TEAD1: variants seen among roughly 807,000 people sequenced by gnomAD.
TEAD1 encodes TEA domain transcription factor 1, also known as transcriptional enhancer factor TEF-1.
TEAD1 carries 9 observed loss-of-function variants against 54.9 expected under a neutral mutation model. The observed-to-expected ratio is 0.16, with a 90% CI of 0.10 to 0.29. TEAD1 has a LOEUF of 0.29. Ranked by LOEUF, TEAD1 falls within the 10% of genes least tolerant of loss-of-function variation. The probability of loss-of-function intolerance (pLI) is 1.00; values close to 1 mark genes in which losing one functional copy is unlikely to be tolerated. For synonymous variants in TEAD1, 200 were observed against 187.8 expected, an observed-to-expected ratio of 1.07 and a Z score of -0.53; for missense variants, 387 against 535.9, an observed-to-expected ratio of 0.72 and a Z score of 2.74.
At chr11:12,930,871 G>A (rs1293448118) in intron 12 of TEAD1, among the ~76,000 whole-genome samples, 1 of 152,188 alleles carries the variant, frequency 6.6e-6, no homozygotes, top group Non-Finnish European at 1.5e-5. Flanking sequence ...CATGCATTAA[G>A]GCAGGAAAAT....
intron 5 of TEAD1, among the ~76,000 whole-genome samples, chr11:12,873,218 C>G (rs1022838803): frequency 2.0e-5 from 3 of 152,156 alleles, no homozygotes; most frequent in Non-Finnish European, 4.4e-5. Flanking sequence ...GAGCCTGGAG[C>G]CAGTTTAGGT....
Position 12,737,163 on chromosome 11 carries a change from AG to A in TEAD1, c.-54-27011del, listed in dbSNP as rs1327308449. 2.6e-5 allele frequency among the ~76,000 whole-genome samples: 4 copies of A among 152,046 alleles called. No individual in the cohort carries two copies. In the East Asian group the frequency reaches 7.7e-4, roughly 29 times the overall value. ...CAGATGAGGAGACGGAGGCCTAGGT[AG>A]GGGGAAAAAAGGAATTGCTCAGTTA... On this transcript the variant is annotated intron_variant, in intron 2 of 12. Coordinates refer to ENST00000527636, the MANE Select transcript of TEAD1 (RefSeq NM_021961.6).
chr11:12,930,209 A>T lies in TEAD1; in HGVS notation c.1050A>T (p.Val350=), dbSNP rs565585388. 6.2e-7 allele frequency: 1 copy of T among 1,614,242 alleles called. No homozygotes were observed. The highest frequency in any genetic ancestry group is 1.7e-5 in the Admixed American group (1 of 60,030). The change falls in exon 12 of 13, where the codon GTA becomes GTT. Residue 350 remains valine (V), a synonymous_variant. Coordinates refer to ENST00000527636, the MANE Select transcript of TEAD1 (RefSeq NM_021961.6). ...CAAGGTTTGAGAATGGCCGATTTGT[A>T]TACCGAATAAACCGCTCCCCAATGT... is the stretch of plus-strand genomic sequence containing the variant.
intron 2 of TEAD1, among the ~76,000 whole-genome samples, chr11:12,734,424 TA>T (rs1944485578): frequency 6.6e-6 from 1 of 152,100 alleles, no homozygotes; most frequent in Non-Finnish European, 1.5e-5. Context: ...GAAAAAAAAT[TA>T]AAAATAAATT....
At chr11:12,869,633 A>G (rs1947697519) in intron 5 of TEAD1, among the ~76,000 whole-genome samples, 1 of 151,978 alleles carries the variant, frequency 6.6e-6, no homozygotes, top group African/African-American at 2.4e-5. Context: ...TATATTAAAC[A>G]CTCATGTTTA....
intron 3 of TEAD1, among the ~76,000 whole-genome samples, chr11:12,824,858 C>CTGT (rs548886004): frequency 7.6e-4 from 116 of 152,344 alleles, no homozygotes; most frequent in Middle Eastern, 3.4e-3. Flanking sequence ...CTCTCCCGGA[C>CTGT]TGTTGCTGCC....
intron 3 of TEAD1, among the ~76,000 whole-genome samples, chr11:12,803,775 G>C (rs137933149): frequency 1.9e-3 from 282 of 152,306 alleles, no homozygotes; most frequent in Non-Finnish European, 3.1e-3. Context: ...CAGCAAACCT[G>C]CTAACGAGGC....
At chr11:12,699,412 A>G (rs1943649958) in intron 2 of TEAD1, among the ~76,000 whole-genome samples, 1 of 152,060 alleles carries the variant, frequency 6.6e-6, no homozygotes, top group South Asian at 2.1e-4. Context: ...GTTGTATTAC[A>G]TTTGTAGAAT....
intron 2 of TEAD1, among the ~76,000 whole-genome samples, chr11:12,717,822 T>C (rs1011363037): frequency 2.6e-5 from 4 of 152,226 alleles, no homozygotes; most frequent in Non-Finnish European, 5.9e-5. Context: ...TCAGACTGCC[T>C]GGCTCCTGGC....
intron 12 of TEAD1, among the ~76,000 whole-genome samples, chr11:12,931,436 A>T (rs1949008877): frequency 2.0e-5 from 3 of 152,234 alleles, no homozygotes; most frequent in Non-Finnish European, 4.4e-5. Context: ...TACTGTGGCC[A>T]AATACTCCTC....
chr11:12,837,302 C>CACTG (rs1946913013), intron 3 of TEAD1, among the ~76,000 whole-genome samples: 1 of 98 alleles, frequency 0.01, no homozygotes, highest in East Asian at 0.25. Flanking sequence ...TTTCTGCAAA[C>CACTG]AAGAAAAGGG....
At chr11:12,872,231 G>A (rs369444553) in intron 5 of TEAD1, among the ~76,000 whole-genome samples, 13 of 152,166 alleles carry the variant, frequency 8.5e-5, no homozygotes, top group Non-Finnish European at 1.8e-4. Flanking sequence ...GAAGGTAGAC[G>A]TACTTCACTT....
chr11:12,731,801 C>A (rs562307261), intron 2 of TEAD1, among the ~76,000 whole-genome samples: 14 of 152,314 alleles, frequency 9.2e-5, no homozygotes, highest in Admixed American at 7.8e-4. Flanking sequence ...GGCCCTCTTA[C>A]TCATTCTCTA....
At chr11:12,843,906 T>C (rs1171231339) in intron 3 of TEAD1, among the ~76,000 whole-genome samples, 2 of 152,220 alleles carry the variant, frequency 1.3e-5, no homozygotes, top group Non-Finnish European at 2.9e-5. Context: ...AAGCCTAATA[T>C]TAAAGGAATA....
intron 2 of TEAD1, among the ~76,000 whole-genome samples, chr11:12,687,202 T>G (rs1943352069): frequency 6.6e-6 from 1 of 152,248 alleles, no homozygotes; most frequent in African/African-American, 2.4e-5. Context: ...TTTTTTGTGC[T>G]GTGCTTTTGA....
rs184637157 is a variant in TEAD1 at position 12,849,608 on chromosome 11, T to C, written c.203-12642T>C. ...GCATAACTTACCTTTGTGTAGCTATTGTTGTAGTAGCTTCAGAAGTTGATA... is the reference window on the plus strand; with the variant it reads ...GCATAACTTACCTTTGTGTAGCTATCGTTGTAGTAGCTTCAGAAGTTGATA... On this transcript the variant is annotated intron_variant, in intron 3 of 12. Transcript: ENST00000527636. Among the ~76,000 whole-genome samples, 97 of 152,338 alleles carry C rather than the reference T, an allele frequency of 6.4e-4. 1 individual carries two copies. The highest frequency in any genetic ancestry group is 2.3e-3 in the African/African-American group (94 of 41,582).
Position 12,937,140 on chromosome 11 carries a change from T to C in TEAD1, c.1199T>C (p.Leu400Pro), listed in dbSNP as rs746321340. 6.2e-7 allele frequency: 1 copy of C among 1,614,010 alleles called. No homozygotes were observed. Among genetic ancestry groups the C allele is most frequent in the Non-Finnish European group, 8.5e-7 (1 of 1,179,930 alleles). ...ACAAACAGGGATACACAAGAAACTC[T>C]ACTCTGCATGGCCTGTGTGTTTGAA... The change falls in exon 13 of 13, where the codon CTA becomes CCA. Residue 400 changes from leucine to proline, a missense_variant. This residue lies in a region of TEAD1 where 123 missense variants were observed against 199.0 expected (regional missense o/e 0.62). Transcript: ENST00000527636.
chr11:12,842,653 A>G (rs1435129422), intron 3 of TEAD1, among the ~76,000 whole-genome samples: 1 of 152,150 alleles, frequency 6.6e-6, no homozygotes, highest in Admixed American at 6.5e-5. Context: ...TCTGGCAAGC[A>G]TGTCTGAAGG....
chr11:12,842,276 C>A (rs1041789395), intron 3 of TEAD1, among the ~76,000 whole-genome samples: 3 of 152,196 alleles, frequency 2.0e-5, no homozygotes, highest in African/African-American at 7.2e-5. Context: ...TTTGACCAAA[C>A]CACCGTTACG....
Sources: gnomAD v4.1 joint callset for allele counts (sites outside exome capture counted in the v4.1 genomes callset) on GRCh38, gnomAD v4.1.1 for gene constraint, gnomAD v4.1.1 regional missense constraint, MANE v1.5 for transcripts, NCBI Gene and HGNC (gene_info 2026-07-23, HGNC 2026-07-21) for gene names.